Variants in CHCHD3 observed in about 807,000 individuals in gnomAD.
CHCHD3 encodes coiled-coil-helix-coiled-coil-helix domain containing 3, also known as MICOS complex subunit MIC19.
A neutral mutation model predicts 38.2 loss-of-function variants in CHCHD3; 20 were observed. The ratio of observed to expected loss-of-function variants is 0.52; its 90% CI spans 0.37 to 0.76. The LOEUF (loss-of-function observed/expected upper bound fraction) is 0.76, where lower values mean the gene tolerates loss of function less well. Among genes scored for constraint, CHCHD3 ranks in the 30% least tolerant of loss-of-function variants. CHCHD3 has a pLI of 0.00. For missense variants in CHCHD3, 245 were observed against 279.2 expected (o/e 0.88, Z 0.87); for synonymous variants, 82 against 100.0 (o/e 0.82, Z 1.07).
intron 7 of CHCHD3, among the ~76,000 whole-genome samples, chr7:132,787,271 G>A (rs1449613087): frequency 6.6e-6 from 1 of 152,192 alleles, no homozygotes; most frequent in Non-Finnish European, 1.5e-5. Flanking sequence ...TTTTACATAG[G>A]AGAATGGCAT....
intron 4 of CHCHD3, among the ~76,000 whole-genome samples, chr7:132,953,805 G>C (rs921018433): frequency 6.6e-6 from 1 of 152,194 alleles, no homozygotes; most frequent in African/African-American, 2.4e-5. Flanking sequence ...AGGAGTAAAG[G>C]TCATAAGTAG....
At chr7:132,970,881 C>T (rs1415320608) in intron 4 of CHCHD3, among the ~76,000 whole-genome samples, 1 of 152,004 alleles carries the variant, frequency 6.6e-6, no homozygotes, top group African/African-American at 2.4e-5. Context: ...GAGACCAAGG[C>T]AGAAGGATCA....
intron 5 of CHCHD3, among the ~76,000 whole-genome samples, chr7:132,865,724 G>C (rs775291109): frequency 6.6e-6 from 1 of 152,260 alleles, no homozygotes; most frequent in South Asian, 2.1e-4. Context: ...TGCTTCTAAC[G>C]AGCAAAGGCA....
chr7:132,945,932 G>A (rs1810889386), intron 4 of CHCHD3, among the ~76,000 whole-genome samples: 1 of 151,650 alleles, frequency 6.6e-6, no homozygotes, highest in Admixed American at 6.6e-5. Flanking sequence ...ATCTTCAGAG[G>A]GCAGAGTTAC....
intron 5 of CHCHD3, among the ~76,000 whole-genome samples, chr7:132,875,898 C>A (rs887344384): frequency 4.6e-5 from 7 of 152,166 alleles, no homozygotes; most frequent in African/African-American, 1.4e-4. Flanking sequence ...CAGATGTGGG[C>A]ACTTCTATTT....
intron 4 of CHCHD3, chr7:132,886,863 T>C: frequency 1.6e-6 from 1 of 632,274 alleles, no homozygotes. Flanking sequence ...ATTCTTTTGC[T>C]AAATGATCAA....
chr7:133,004,453 A>T (rs909074488), intron 3 of CHCHD3, among the ~76,000 whole-genome samples: 3 of 152,356 alleles, frequency 2.0e-5, no homozygotes, highest in Non-Finnish European at 4.4e-5. Context: ...GGTAAGTGAC[A>T]GCACAGCTAG....
chr7:132,983,579 T>C (rs1341015306), intron 3 of CHCHD3, among the ~76,000 whole-genome samples: 1 of 152,212 alleles, frequency 6.6e-6, no homozygotes, highest in Non-Finnish European at 1.5e-5. Flanking sequence ...GTCTCTCCAG[T>C]AAATTGCATA....
chr7:133,079,557 C>T (rs948757527), intron 1 of CHCHD3, among the ~76,000 whole-genome samples: 1 of 152,328 alleles, frequency 6.6e-6, no homozygotes, highest in Non-Finnish European at 1.5e-5. Context: ...GCTTTACATA[C>T]CTTACCTCAT....
intron 1 of CHCHD3, among the ~76,000 whole-genome samples, chr7:133,078,332 T>A (rs1302814439): frequency 6.6e-6 from 1 of 152,140 alleles, no homozygotes; most frequent in Non-Finnish European, 1.5e-5. Flanking sequence ...ATATTCAGCA[T>A]AGTTACCAAA....
chr7:132,838,216 C>G (rs948734033), intron 6 of CHCHD3, among the ~76,000 whole-genome samples, 183 bp downstream of exon 6: 3 of 152,100 alleles, frequency 2.0e-5, no homozygotes, highest in African/African-American at 7.2e-5. Context: ...TCATCAAATG[C>G]CTTTGTCTTG....
At chr7:132,998,287 C>T (rs7809527) in intron 3 of CHCHD3, among the ~76,000 whole-genome samples, 67,660 of 152,002 alleles carry the variant, frequency 0.45, 15,320 homozygotes, top group East Asian at 0.55. Context: ...GAATAATGTT[C>T]CTGAATATAA....
At chr7:132,960,443 T>A (rs1388360360) in intron 4 of CHCHD3, among the ~76,000 whole-genome samples, 1 of 152,102 alleles carries the variant, frequency 6.6e-6, no homozygotes, top group Admixed American at 6.6e-5. Flanking sequence ...GCCTCCAGGG[T>A]TGAAACTGAG....
Position 132,989,656 on chromosome 7 carries a change from G to T in CHCHD3, c.252-14370C>A, listed in dbSNP as rs554561387. Among the ~76,000 whole-genome samples, 162 of 152,228 alleles carry T rather than the reference G, an allele frequency of 1.1e-3. 1 individual carries two copies. Among genetic ancestry groups the T allele is most frequent in the African/African-American group, 3.5e-3 (146 of 41,528 alleles). Reference sequence around the variant, plus strand: ...TGAAAAATACATTTATATTTGAAAAGTATTCTGATTTTAGTTCATAAGTTA... The same window carrying T: ...TGAAAAATACATTTATATTTGAAAATTATTCTGATTTTAGTTCATAAGTTA... On this transcript the variant is annotated intron_variant, in intron 3 of 7. Transcript: ENST00000262570.
intron 3 of CHCHD3, among the ~76,000 whole-genome samples, chr7:133,022,026 G>C (rs1027146462): frequency 6.6e-6 from 1 of 152,048 alleles, no homozygotes; most frequent in Admixed American, 6.5e-5. Flanking sequence ...GGTGGAGGTT[G>C]CAGTGAGCTG....
chr7:133,036,476 C>A (rs563147887), intron 2 of CHCHD3, among the ~76,000 whole-genome samples: 4 of 152,180 alleles, frequency 2.6e-5, no homozygotes, highest in African/African-American at 7.2e-5. Context: ...ACAGTTATAA[C>A]CACTGTGTGG....
intron 4 of CHCHD3, among the ~76,000 whole-genome samples, chr7:132,913,885 C>T (rs1159677331): frequency 1.3e-5 from 2 of 151,544 alleles, no homozygotes; most frequent in Non-Finnish European, 2.9e-5. Context: ...ATGGGTGCTT[C>T]GGAGCCAGGT....
Position 132,912,444 on chromosome 7 carries a change from TAGCC to T in CHCHD3, c.370-26703_370-26700del, listed in dbSNP as rs1158680004. 2.6e-5 allele frequency among the ~76,000 whole-genome samples: 4 copies of T among 152,240 alleles called. No individual in the cohort carries two copies. In the East Asian group the frequency reaches 7.7e-4, roughly 29 times the overall value. On this transcript the variant is annotated intron_variant, in intron 4 of 7. Coordinates refer to ENST00000262570, the MANE Select transcript of CHCHD3 (RefSeq NM_017812.4). ...TGGGAGTAAATTACATGTTAGCCCA[TAGCC>T]AGAGCTCCTTCCTGGCTTGAAATGT... is the stretch of plus-strand genomic sequence containing the variant.
Position 132,796,516 on chromosome 7 carries a change from C to G in CHCHD3, c.586G>C (p.Glu196Gln). The G allele has an allele frequency of 6.2e-7, 1 of 1,613,848 alleles. No homozygotes were observed. ...LQAKILQCYR[E>Q]NTHQTLKCSA... ...CATTTGAGGGTCTGGTGGGTGTTCT[C>G]ACGGTAACACTGAAGAATTTTGGCC... The change falls in exon 7 of 8, where the codon GAG (glutamate) becomes CAG (glutamine). Residue 196 changes from glutamate (E) to glutamine (Q), a missense_variant. Transcript: ENST00000262570.
Sources: gnomAD v4.1 joint callset for allele counts (sites outside exome capture counted in the v4.1 genomes callset) on GRCh38, gnomAD v4.1.1 for gene constraint, MANE v1.5 for transcripts, NCBI Gene and HGNC (gene_info 2026-07-23, HGNC 2026-07-21) for gene names.